The following SH3D19 variants were observed in gnomAD, a reference collection of about 807,000 sequenced individuals.
SH3D19 encodes SH3 domain-containing protein 19.
SH3D19 carries 58 observed loss-of-function variants against 112.1 expected under a neutral mutation model. The observed-to-expected ratio is 0.52, with a 90% CI of 0.42 to 0.64. SH3D19 has a LOEUF of 0.64. SH3D19 is among the 30% of genes least tolerant of loss of function. The pLI is 0.00. For synonymous variants in SH3D19, 391 were observed against 448.5 expected, an observed-to-expected ratio of 0.87 and a Z score of 1.62; for missense variants, 1,090 against 1,263.4, an observed-to-expected ratio of 0.86 and a Z score of 2.08.
chr4:151,143,833 G>T, intron 12 of SH3D19, 77 bp downstream of exon 12: 2 of 1,454,698 alleles, frequency 1.4e-6, no homozygotes, highest in Non-Finnish European at 1.9e-6. Context: ...AAAACCTGAA[G>T]ATGAGATATA....
At chr4:151,196,710 A>C (rs1286174249) in intron 2 of SH3D19, among the ~76,000 whole-genome samples, 1 of 152,204 alleles carries the variant, frequency 6.6e-6, no homozygotes, top group Non-Finnish European at 1.5e-5. Flanking sequence ...TAAACAACCC[A>C]CAGAGTGGGA....
In SH3D19 at chr4:151,155,088, A is replaced by G. The variant is rs529125486; in HGVS notation, c.1755+4152T>C. Among the ~76,000 whole-genome samples, 4 of 152,338 alleles carry G rather than the reference A, an allele frequency of 2.6e-5. No individual in the cohort carries two copies. The South Asian group carries it at 8.3e-4, about 32-fold the overall frequency. On this transcript the variant is annotated intron_variant, in intron 9 of 19. Transcript: ENST00000604030. ...ATTTCAATAAAGCTTTATAGTTTAC[A>G]AAGTCCATTACATATGATGGACATT...
rs756860196 is a variant in SH3D19 at position 151,139,797 on chromosome 4, G to A, written c.2274C>T (p.Val758=). ...TACCTGCTGGGAAATCATGAAGAAC[G>A]ACAGCATGAGGAGCACCACTGTCAA... ...KPVDSGAPHA[V]VLHDFPAEQV... The change falls in exon 13 of 20, where the codon GTC becomes GTT. Residue 758 remains valine (V), a synonymous_variant. Coordinates refer to ENST00000604030, the MANE Select transcript of SH3D19 (RefSeq NM_001378122.1). 15 of 1,613,970 alleles carry A rather than the reference G, an allele frequency of 9.3e-6. No individual in the cohort carries two copies. Among genetic ancestry groups the A allele is most frequent in the African/African-American group, 8.0e-5 (6 of 74,926 alleles).
At chr4:151,255,236 G>A (rs558481251) in intron 1 of SH3D19, among the ~76,000 whole-genome samples, 2 of 150,244 alleles carry the variant, frequency 1.3e-5, no homozygotes, top group Admixed American at 6.6e-5. Flanking sequence ...CAGACGGGGC[G>A]GCTGCCGGGC....
intron 1 of SH3D19, among the ~76,000 whole-genome samples, chr4:151,262,128 C>T (rs17027491): frequency 0.028 from 4,233 of 152,336 alleles, 185 homozygotes; most frequent in African/African-American, 0.093. Context: ...CAACTGCCCA[C>T]GGTCTTGTTC....
At chr4:151,265,207 G>C (rs1772681178) in intron 1 of SH3D19, among the ~76,000 whole-genome samples, 1 of 151,990 alleles carries the variant, frequency 6.6e-6, no homozygotes. Context: ...ATTCTCAAAG[G>C]CATACTGTTT....
chr4:151,295,069 G>A (rs1306519217), intron 1 of SH3D19, among the ~76,000 whole-genome samples: 6 of 152,242 alleles, frequency 3.9e-5, no homozygotes, highest in Non-Finnish European at 8.8e-5. Context: ...AGGTGGAAAG[G>A]TGTATGAACT....
At chr4:151,130,397 C>T (rs1015036261) in intron 17 of SH3D19, among the ~76,000 whole-genome samples, 1 of 152,012 alleles carries the variant, frequency 6.6e-6, no homozygotes, top group Non-Finnish European at 1.5e-5. Flanking sequence ...GACCTCGACA[C>T]TGCACTTAGC....
chr4:151,321,496 T>C (rs540142643), intron 1 of SH3D19, among the ~76,000 whole-genome samples: 15 of 152,272 alleles, frequency 9.9e-5, no homozygotes, highest in Admixed American at 3.3e-4. Flanking sequence ...TGCCAGGCTG[T>C]ATAAATCAAC....
At chr4:151,130,674 G>C (rs1297823302) in intron 17 of SH3D19, among the ~76,000 whole-genome samples, 1 of 152,188 alleles carries the variant, frequency 6.6e-6, no homozygotes, top group Admixed American at 6.5e-5. Flanking sequence ...AGGCGCAGTG[G>C]CTCATGCCAG....
intron 15 of SH3D19, among the ~76,000 whole-genome samples, chr4:151,134,092 G>A (rs184284001): frequency 5.9e-5 from 9 of 152,278 alleles, no homozygotes; most frequent in Non-Finnish European, 8.8e-5. Flanking sequence ...AGCCCACTTC[G>A]AATTCAACCT....
At chr4:151,295,991 G>A (rs1775678257) in intron 1 of SH3D19, among the ~76,000 whole-genome samples, 1 of 146,622 alleles carries the variant, frequency 6.8e-6, no homozygotes, top group East Asian at 2.0e-4. Flanking sequence ...AGCTGAGATC[G>A]TACCACTGCA....
intron 13 of SH3D19, among the ~76,000 whole-genome samples, chr4:151,138,870 T>TAACA (rs1752426987): frequency 6.6e-6 from 1 of 152,218 alleles, no homozygotes; most frequent in Non-Finnish European, 1.5e-5. Flanking sequence ...TTTGCTCTTG[T>TAACA]TGCCCAGGGT....
In SH3D19 at chr4:151,282,386, G is replaced by A. The variant is rs188453537; in HGVS notation, c.112+42855C>T. On this transcript the variant is annotated intron_variant, in intron 1 of 19. Transcript: ENST00000604030. ...AATTCCACCCTTTTGTTGGGTGACC[G>A]GATGGGGAAAAGTTAAGGAAAGTTC... The A allele has an allele frequency of 2.4e-5, 39 of 1,613,788 alleles. No individual in the cohort carries two copies. The Admixed American group carries it at 3.2e-4, about 13-fold the overall frequency.
intron 1 of SH3D19, among the ~76,000 whole-genome samples, chr4:151,244,312 T>A (rs545424576): frequency 6.6e-6 from 1 of 152,174 alleles, no homozygotes; most frequent in Non-Finnish European, 1.5e-5. Context: ...GTATATGAAT[T>A]TGGAGAACAA....
At chr4:151,304,018 C>A (rs867786589) in intron 1 of SH3D19, among the ~76,000 whole-genome samples, 1 of 150,884 alleles carries the variant, frequency 6.6e-6, no homozygotes, top group Non-Finnish European at 1.5e-5. Context: ...GGTCCTCACT[C>A]TGTTGCCCAG....
In SH3D19 at chr4:151,271,704, T is replaced by A. The variant is rs529350798; in HGVS notation, c.113-45618A>T. Among the ~76,000 whole-genome samples, 41 of 152,198 alleles carry A rather than the reference T, an allele frequency of 2.7e-4. 2 individuals are homozygous for A. The South Asian group carries it at 8.5e-3, about 32-fold the overall frequency. On this transcript the variant is annotated intron_variant, in intron 1 of 19. Transcript: ENST00000604030. ...CCATCACCAAGATAAACTGTTTGGG[T>A]AGAATTAAATACTTAAAGCTGAGAA... is the stretch of plus-strand genomic sequence containing the variant.
chr4:151,121,974 A>G lies in SH3D19; in HGVS notation c.*117T>C. 1.5e-6 allele frequency: 1 copy of G among 660,174 alleles called. No individual in the cohort carries two copies. The highest frequency in any genetic ancestry group is 2.7e-6 in the Non-Finnish European group (1 of 371,096). 40.9% of individuals were successfully genotyped at this position (660,174 alleles called of 1,614,324 possible). On this transcript the variant is annotated 3_prime_UTR_variant, in exon 20 of 20. Transcript: ENST00000604030. ...TGCTTTCAGAAAATTCTAGTGTACC[A>G]TGTACAGCTTAGATATTTCTTTTTC...
At chr4:151,242,444 A>C (rs1234977510) in intron 1 of SH3D19, among the ~76,000 whole-genome samples, 1 of 152,192 alleles carries the variant, frequency 6.6e-6, no homozygotes, top group African/African-American at 2.4e-5. Context: ...GGGATAAATA[A>C]CATGCGCAGA....
Sources: allele counts gnomAD v4.1 joint callset (sites outside exome capture counted in the v4.1 genomes callset), GRCh38; gene constraint gnomAD v4.1.1; transcripts MANE v1.5; gene names NCBI Gene and HGNC (gene_info 2026-07-23, HGNC 2026-07-21).